The following RNASE9 variants were observed in gnomAD, a reference collection of about 807,000 sequenced individuals.
The protein encoded by RNASE9 is inactive ribonuclease-like protein 9.
For missense variants in RNASE9, 263 were observed against 247.1 expected (o/e 1.06, Z -0.43); for synonymous variants, 95 against 87.6 (o/e 1.08, Z -0.47).
exon 3 of RNASE9, chr14:20,557,004 C>T: frequency 6.2e-7 from 1 of 1,613,998 alleles, no homozygotes. Context: ...ACTGCACCAG[C>T]TGCAGCAGCT....
Position 20,556,957 on chromosome 14 carries a change from T to C in RNASE9, c.113A>G (p.Glu38Gly), listed in dbSNP as rs953898215. ...CTCTTCAAATTCTTCTTTTTTATCT[T>C]CTTCTGGGAAATCAAAATCTGTATC... Residue 38 changes from glutamate (E) to glycine (G), a missense_variant, in exon 3 of 3, where the codon GAA (glutamate) becomes GGA (glycine). Coordinates refer to ENST00000555230, the Ensembl canonical transcript of RNASE9. 2 of 1,614,052 alleles carry C rather than the reference T, an allele frequency of 1.2e-6. No individual in the cohort carries two copies. Among genetic ancestry groups the C allele is most frequent in the Admixed American group, 1.7e-5 (1 of 60,004 alleles).
exon 3 of RNASE9, chr14:20,558,233 C>CT: frequency 4.1e-6 from 2 of 490,916 alleles, no homozygotes; most frequent in South Asian, 2.5e-5. Context: ...GAGTGATTCT[C>CT]TAACAGTCAT....
chr14:20,558,506 C>A, exon 3 of RNASE9: 1 of 1,462,560 alleles, frequency 6.8e-7, no homozygotes, highest in Non-Finnish European at 9.4e-7. Context: ...TGTCCCTCCC[C>A]TCCCTGCTTT....
intron 1 of RNASE9, chr14:20,560,254 T>C (rs1379836334): frequency 6.6e-6 from 1 of 152,098 alleles, no homozygotes; most frequent in East Asian, 1.9e-4. Flanking sequence ...TAAATCATGA[T>C]CATATAATAA....
chr14:20,558,535 C>T, exon 3 of RNASE9: 2 of 1,539,718 alleles, frequency 1.3e-6, no homozygotes, highest in East Asian at 2.4e-5. Flanking sequence ...TCCCTGCTTT[C>T]ACACTGTCAT....
At chr14:20,556,316 A>T in exon 3 of RNASE9, 1 of 659,220 alleles carries the variant, frequency 1.5e-6, no homozygotes, top group Non-Finnish European at 2.6e-6. Context: ...TGCTTTTGTG[A>T]GGTGTTGGGA....
exon 3 of RNASE9, chr14:20,558,626 C>G (rs924682856): frequency 1.9e-6 from 3 of 1,542,246 alleles, no homozygotes; most frequent in Admixed American, 3.9e-5. Context: ...CTCACAAGAA[C>G]GCGGAGCCTC....
At chr14:20,558,233 CTAA>C in exon 3 of RNASE9, 2 of 490,916 alleles carry the variant, frequency 4.1e-6, no homozygotes, top group Non-Finnish European at 7.4e-6. Context: ...GAGTGATTCT[CTAA>C]CAGTCATTAC....
chr14:20,559,849 G>A (rs890796196), intron 1 of RNASE9, among the ~76,000 whole-genome samples: 1 of 152,184 alleles, frequency 6.6e-6, no homozygotes, highest in African/African-American at 2.4e-5. Context: ...TGTGAATCAT[G>A]TTGCTATGAA....
exon 3 of RNASE9, chr14:20,558,543 C>T (rs1883807514): frequency 1.3e-6 from 2 of 1,543,740 alleles, no homozygotes; most frequent in South Asian, 2.4e-5. Flanking sequence ...TTCACACTGT[C>T]ATCAGTGTCC....
exon 3 of RNASE9, chr14:20,556,535 G>A: frequency 1.9e-6 from 3 of 1,613,652 alleles, no homozygotes; most frequent in Non-Finnish European, 2.5e-6. Flanking sequence ...ATAGTATGAG[G>A]AATACGTTTT....
chr14:20,556,160 C>T (rs945180365), exon 3 of RNASE9: 13 of 322,342 alleles, frequency 4.0e-5, no homozygotes, highest in African/African-American at 6.2e-5. Context: ...TTGGAGCACA[C>T]TTCAGGCAAC....
chr14:20,557,143 T>C (rs2138857103), exon 3 of RNASE9: 1 of 1,482,366 alleles, frequency 6.7e-7, no homozygotes, highest in Non-Finnish European at 9.1e-7. Flanking sequence ...ATTTCCTGTG[T>C]GGGGCACAGT....
intron 2 of RNASE9, among the ~76,000 whole-genome samples, chr14:20,559,109 A>T (rs1883839958): frequency 6.6e-6 from 1 of 150,544 alleles, no homozygotes; most frequent in Admixed American, 6.6e-5. Flanking sequence ...TGTTTTACTT[A>T]TTATCATTTT....
chr14:20,560,971 T>C (rs1446983804), upstream of RNASE9: 2 of 152,194 alleles, frequency 1.3e-5, no homozygotes, highest in African/African-American at 4.8e-5. Flanking sequence ...CTCTTGTTTT[T>C]ACTCTCTCCC....
At chr14:20,558,430 G>A in exon 3 of RNASE9, 1 of 756,202 alleles carries the variant, frequency 1.3e-6, no homozygotes. Context: ...GAATGGGAAA[G>A]AAAAGAAAAA....
exon 3 of RNASE9, chr14:20,557,023 A>C (rs774738487): frequency 6.2e-7 from 1 of 1,613,070 alleles, no homozygotes; most frequent in African/African-American, 1.3e-5. Context: ...CTGCTGCGGC[A>C]ATAGAAGCAG....
chr14:20,556,185 C>G, exon 3 of RNASE9: 2 of 379,288 alleles, frequency 5.3e-6, no homozygotes, highest in East Asian at 8.0e-5. Context: ...TCCTTTTCCT[C>G]TTGGTGCTGG....
chr14:20,559,419 GAGAGAGACAGAGAGAA>G lies in RNASE9; in HGVS notation c.-1582+147_-1582+162del, dbSNP rs1280970015. On this transcript the variant is annotated intron_variant, in intron 2 of 2. Transcript: ENST00000555230. Reference sequence around the variant, plus strand: ...AAATGGAAGAAAGAGAGACAGAGGAGAGAGAGACAGAGAGAAAGAGAGACAGAGAGAGAGAGAGACA... The same window carrying G: ...AAATGGAAGAAAGAGAGACAGAGGAGAGAGAGACAGAGAGAGAGAGAGACA... Among the ~76,000 whole-genome samples, 589 of 149,492 alleles carry G rather than the reference GAGAGAGACAGAGAGAA, an allele frequency of 3.9e-3. 2 individuals are homozygous for G. Among genetic ancestry groups the G allele is most frequent in the Non-Finnish European group, 7.1e-3 (475 of 67,182 alleles).
Sources: allele counts gnomAD v4.1 joint callset (sites outside exome capture counted in the v4.1 genomes callset), GRCh38; gene constraint gnomAD v4.1.1; transcripts MANE v1.5; gene names NCBI Gene and HGNC (gene_info 2026-07-23, HGNC 2026-07-21).